ANK3: variants seen among roughly 807,000 people sequenced by gnomAD.
ANK3 encodes the protein ankyrin 3.
Under a neutral mutation model 370.9 loss-of-function variants are expected in ANK3, and 57 were observed. The ratio of observed to expected loss-of-function variants is 0.15; its 90% CI spans 0.12 to 0.19. The LOEUF is 0.19. Among genes scored for constraint, ANK3 ranks in the 10% least tolerant of loss-of-function variants. The probability of loss-of-function intolerance (pLI) is 1.00; values close to 1 mark genes in which losing one functional copy is unlikely to be tolerated. For synonymous variants in ANK3, 1,929 were observed against 1,946.3 expected (o/e 0.99, Z 0.23); for missense variants, 4,439 against 5,302.1 (o/e 0.84, Z 5.06).
intron 2 of ANK3, among the ~76,000 whole-genome samples, chr10:60,466,572 A>G (rs2065017450): frequency 6.6e-6 from 1 of 152,088 alleles, no homozygotes; most frequent in South Asian, 2.1e-4. Context: ...TAAGATATAT[A>G]CCCTCCAAAA....
At chr10:60,078,905 C>A (rs747827382) in intron 36 of ANK3, among the ~76,000 whole-genome samples, 15 of 152,168 alleles carry the variant, frequency 9.9e-5, no homozygotes, top group Non-Finnish European at 1.3e-4. Flanking sequence ...AAGCTGCATA[C>A]ACCTTAGCTG....
Position 60,329,316 on chromosome 10 carries a change from T to A in ANK3, c.115-49677A>T, listed in dbSNP as rs193176566. On this transcript the variant is annotated intron_variant, in intron 1 of 43. Transcript: ENST00000280772. The stretch of plus-strand genomic sequence containing the variant: ...AGGCAAGAGAAAGAAATAAAGGTAT[T>A]CAAGTAGGAAGAGAGGAAATCAAAC... Among the ~76,000 whole-genome samples the A allele has an allele frequency of 1.3e-3, 204 of 152,242 alleles. 2 individuals are homozygous for A. Among genetic ancestry groups the A allele is most frequent in the African/African-American group, 4.8e-3 (198 of 41,554 alleles).
At chr10:60,460,925 T>C (rs1480866457) in intron 2 of ANK3, among the ~76,000 whole-genome samples, 1 of 152,170 alleles carries the variant, frequency 6.6e-6, no homozygotes, top group Non-Finnish European at 1.5e-5. Flanking sequence ...AGTGAGAAGT[T>C]TGAGTAATTC....
At chr10:60,433,421 C>T (rs991898195) in intron 2 of ANK3, among the ~76,000 whole-genome samples, 1 of 152,102 alleles carries the variant, frequency 6.6e-6, no homozygotes, top group African/African-American at 2.4e-5. Flanking sequence ...GAAACCCCGT[C>T]TCTACTAAAA....
intron 1 of ANK3, among the ~76,000 whole-genome samples, chr10:60,297,000 A>T (rs2042665184): frequency 6.6e-6 from 1 of 152,164 alleles, no homozygotes; most frequent in Admixed American, 6.6e-5. Context: ...ATAAATAAAT[A>T]AAAAAGTATG....
intron 1 of ANK3, among the ~76,000 whole-genome samples, chr10:60,663,273 G>A (rs1014289282): frequency 1.2e-4 from 18 of 152,284 alleles, no homozygotes; most frequent in Middle Eastern, 3.4e-3. Context: ...TTTTTATACA[G>A]TGGTCATAGG....
At chr10:60,374,542 A>T (rs1199240809) in intron 1 of ANK3, among the ~76,000 whole-genome samples, 2 of 152,162 alleles carry the variant, frequency 1.3e-5, no homozygotes, top group Admixed American at 1.3e-4. Flanking sequence ...TGAAAAGTAG[A>T]GTTATTCTCA....
chr10:60,074,950 TGGTGATTTG>T lies in ANK3; in HGVS notation c.5922_5930del (p.Pro1977_Ser1979del). ...CAGGAGAGTGTCCTTTGTCACTCTTTGGTGATTTGGGTGATCCTTTATTATCTACACATA... is the reference window on the plus strand; with the variant it reads ...CAGGAGAGTGTCCTTTGTCACTCTTTGGTGATCCTTTATTATCTACACATA... On this transcript the variant is annotated inframe_deletion, in exon 37 of 44. Coordinates refer to ENST00000280772, the MANE Select transcript of ANK3 (RefSeq NM_020987.5). The T allele has an allele frequency of 6.2e-7, 1 of 1,614,120 alleles. No homozygotes were observed. The highest frequency in any genetic ancestry group is 1.7e-5 in the Admixed American group (1 of 60,020).
chr10:60,238,950 C>T (rs1272317063), intron 7 of ANK3, among the ~76,000 whole-genome samples: 2 of 152,038 alleles, frequency 1.3e-5, no homozygotes, highest in Non-Finnish European at 2.9e-5. Context: ...GCATGGGATT[C>T]TTAGCAAAGA....
At position 60,321,399 on chromosome 10, in the gene ANK3, GAAGAA is replaced by G. The variant is rs71015788; in HGVS notation, c.115-41765_115-41761del. 4.9e-3 allele frequency among the ~76,000 whole-genome samples: 720 copies of G among 145,502 alleles called. 2 individuals carry two copies. The highest frequency in any genetic ancestry group is 7.0e-3 in the African/African-American group (279 of 39,576). ...AAGAAAGAAAAAAGAAAAGAGAAGAGAAGAAAAGAAAAGAAAAGAAAAGAAAAGAA... is the reference window on the plus strand; with the variant it reads ...AAGAAAGAAAAAAGAAAAGAGAAGAGAAGAAAAGAAAAGAAAAGAAAAGAA... On this transcript the variant is annotated intron_variant, in intron 1 of 43. Coordinates refer to ENST00000280772, the MANE Select transcript of ANK3 (RefSeq NM_020987.5).
chr10:60,504,912 G>A lies in ANK3; in HGVS notation c.96+110274C>T, dbSNP rs7919213. ...TTCAAACTAGCTACAGAGGGCATAT[G>A]TGAGCCATAAGGGAAACTTGAATGT... On this transcript the variant is annotated intron_variant, in intron 2 of 43. Coordinates refer to the ANK3 transcript ENST00000373827. Among the ~76,000 whole-genome samples, 502 of 152,258 alleles carry A rather than the reference G, an allele frequency of 3.3e-3. 4 individuals carry two copies. The highest frequency in any genetic ancestry group is 0.012 in the African/African-American group (486 of 41,556).
intron 1 of ANK3, among the ~76,000 whole-genome samples, chr10:60,680,547 G>A (rs1319865534): frequency 1.3e-5 from 2 of 152,122 alleles, no homozygotes; most frequent in East Asian, 1.9e-4. Flanking sequence ...TTCCCAACAG[G>A]CCTTCTCCAT....
chr10:60,655,355 T>G (rs2078849280), intron 1 of ANK3, among the ~76,000 whole-genome samples: 1 of 151,782 alleles, frequency 6.6e-6, no homozygotes, highest in African/African-American at 2.4e-5. Context: ...ATTGCTGAGG[T>G]GGAAGATGGT....
At chr10:60,465,028 G>A (rs984451451) in intron 2 of ANK3, among the ~76,000 whole-genome samples, 2 of 152,124 alleles carry the variant, frequency 1.3e-5, no homozygotes, top group African/African-American at 2.4e-5. Flanking sequence ...CACTTTGGGA[G>A]GACGAGGCAG....
intron 2 of ANK3, among the ~76,000 whole-genome samples, chr10:60,461,942 T>C (rs1253532566): frequency 6.6e-6 from 1 of 152,132 alleles, no homozygotes; most frequent in African/African-American, 2.4e-5. Context: ...GCTTAGATGC[T>C]GAAAGAGGTA....
intron 1 of ANK3, among the ~76,000 whole-genome samples, chr10:60,301,799 T>C (rs1028947077): frequency 6.6e-6 from 1 of 152,238 alleles, no homozygotes; most frequent in African/African-American, 2.4e-5. Context: ...AACTTTTTAC[T>C]GTTCTCACAC....
At chr10:60,491,987 T>C (rs1364771456) in intron 2 of ANK3, among the ~76,000 whole-genome samples, 2 of 148,130 alleles carry the variant, frequency 1.4e-5, no homozygotes. Flanking sequence ...ATGACAAACC[T>C]CATATACAAC....
At chr10:60,128,666 C>A (rs1254914381) in intron 25 of ANK3, among the ~76,000 whole-genome samples, 4 of 152,186 alleles carry the variant, frequency 2.6e-5, no homozygotes, top group Non-Finnish European at 5.9e-5. Context: ...CAGGTGTGAG[C>A]CACCGTGCCT....
At chr10:60,208,368 G>A in intron 9 of ANK3, 135 bp from the exon 10 acceptor site, 1 of 774,276 alleles carries the variant, frequency 1.3e-6, no homozygotes, top group Non-Finnish European at 2.1e-6. Context: ...AAAAGCTTTT[G>A]ACAACTATTT....
Sources: allele counts gnomAD v4.1 joint callset (sites outside exome capture counted in the v4.1 genomes callset), GRCh38; gene constraint gnomAD v4.1.1; transcripts MANE v1.5; gene names NCBI Gene and HGNC (gene_info 2026-07-23, HGNC 2026-07-21).